NRCAM: variants seen among roughly 807,000 people sequenced by gnomAD.
NRCAM encodes neuronal cell adhesion molecule, also known as NgCAM-related cell adhesion molecule.
NRCAM carries 83 observed loss-of-function variants against 156.5 expected under a neutral mutation model. That is an observed-to-expected ratio of 0.53 (90% CI 0.44 to 0.64). The LOEUF (loss-of-function observed/expected upper bound fraction) is 0.64. Ranked by LOEUF, NRCAM falls within the 30% of genes least tolerant of loss-of-function variation. NRCAM has a pLI of 0.00. For synonymous variants in NRCAM, 538 were observed against 563.9 expected (o/e 0.95, Z 0.65); for missense variants, 1,417 against 1,597.3 (o/e 0.89, Z 1.92).
In NRCAM at chr7:108,160,463, T is replaced by G; in HGVS notation, c.3496A>C (p.Thr1166Pro). ...ATCAGACCAATGAACCAGCCCTGAGTTGCAATATCCACCTGCCGGCTTGCC... is the reference window on the plus strand; with the variant it reads ...ATCAGACCAATGAACCAGCCCTGAGGTGCAATATCCACCTGCCGGCTTGCC... ...AMASRQVDIA[T>P]QGWFIGLMCA... The change falls in exon 31 of 33, where the codon ACT becomes CCT. Residue 1166 changes from threonine to proline, a missense_variant. Physicochemically the swap from Thr to Pro is conservative, Grantham distance 38. Transcript: ENST00000379028. 1 of 1,613,520 alleles carries G rather than the reference T, an allele frequency of 6.2e-7. No homozygotes were observed. The highest frequency in any genetic ancestry group is 1.1e-5 in the South Asian group (1 of 90,964).
At position 108,288,717 on chromosome 7, in the gene NRCAM, G is replaced by A. The variant is rs570118116; in HGVS notation, c.-107+23948C>T. On this transcript the variant is annotated intron_variant, in intron 3 of 32. Coordinates refer to ENST00000379028, the MANE Select transcript of NRCAM (RefSeq NM_001037132.4). The stretch of plus-strand genomic sequence containing the variant: ...TAGAATATATTAACAATTAGCAGGC[G>A]GGAGAGTTCTCCATTAGTCTTTCCA... Among the ~76,000 whole-genome samples the A allele has an allele frequency of 1.6e-4, 25 of 152,130 alleles. No individual in the cohort carries two copies. The Middle Eastern group carries it at 0.017, about 103-fold the overall frequency.
intron 5 of NRCAM, among the ~76,000 whole-genome samples, chr7:108,237,429 C>T (rs2095163721): frequency 6.6e-6 from 1 of 152,166 alleles, no homozygotes; most frequent in Non-Finnish European, 1.5e-5. Context: ...ATTAATTAGC[C>T]TTTACAACAG....
At chr7:108,371,563 G>C (rs2099628781) in intron 2 of NRCAM, among the ~76,000 whole-genome samples, 2 of 151,942 alleles carry the variant, frequency 1.3e-5, no homozygotes, top group Non-Finnish European at 2.9e-5. Flanking sequence ...CAAAAGTTTG[G>C]GATAAAAAAA....
intron 2 of NRCAM, among the ~76,000 whole-genome samples, chr7:108,388,754 AT>A (rs1157175979): frequency 6.6e-6 from 1 of 152,114 alleles, no homozygotes; most frequent in Non-Finnish European, 1.5e-5. Context: ...TAAGGAAGGG[AT>A]TCAGTTTCAG....
chr7:108,215,852 T>C (rs567245437), intron 11 of NRCAM, among the ~76,000 whole-genome samples: 1 of 152,136 alleles, frequency 6.6e-6, no homozygotes, highest in African/African-American at 2.4e-5. Context: ...TGATGGGTCT[T>C]GATTCGTTAT....
chr7:108,386,147 G>A (rs966843207), intron 2 of NRCAM, among the ~76,000 whole-genome samples: 3 of 151,550 alleles, frequency 2.0e-5, no homozygotes, highest in Non-Finnish European at 4.4e-5. Flanking sequence ...TATGAAGGAA[G>A]GATAGATCAT....
At chr7:108,347,935 C>T (rs1351375616) in intron 2 of NRCAM, among the ~76,000 whole-genome samples, 1 of 152,178 alleles carries the variant, frequency 6.6e-6, no homozygotes, top group African/African-American at 2.4e-5. Context: ...TCTCCACCCC[C>T]ATACTCTGTG....
intron 3 of NRCAM, among the ~76,000 whole-genome samples, chr7:108,265,840 T>A (rs1019321421): frequency 6.6e-6 from 1 of 152,234 alleles, no homozygotes; most frequent in African/African-American, 2.4e-5. Context: ...TCTCTTTTAA[T>A]CATGCCCTTC....
chr7:108,302,157 T>C (rs2098635577), intron 3 of NRCAM, among the ~76,000 whole-genome samples: 1 of 152,052 alleles, frequency 6.6e-6, no homozygotes, highest in East Asian at 1.9e-4. Context: ...TATTGTTCCG[T>C]GTTATTGCTT....
chr7:108,233,611 A>G (rs946106875), intron 6 of NRCAM, among the ~76,000 whole-genome samples: 4 of 152,206 alleles, frequency 2.6e-5, no homozygotes, highest in African/African-American at 7.2e-5. Context: ...GAGGCTTTCC[A>G]TTAACATAGC....
chr7:108,238,803 TAAGAA>T (rs1240900476), intron 4 of NRCAM, among the ~76,000 whole-genome samples: 1 of 152,084 alleles, frequency 6.6e-6, no homozygotes, highest in Admixed American at 6.6e-5. Flanking sequence ...TTTTTTTAAA[TAAGAA>T]AAGCACTGCA....
At chr7:108,281,719 G>A (rs1247394004) in intron 3 of NRCAM, among the ~76,000 whole-genome samples, 2 of 152,224 alleles carry the variant, frequency 1.3e-5, no homozygotes, top group East Asian at 1.9e-4. Context: ...ATCAGCATGA[G>A]ATGGCTGCCA....
chr7:108,376,876 G>C (rs1447125789), intron 2 of NRCAM, among the ~76,000 whole-genome samples: 1 of 152,134 alleles, frequency 6.6e-6, no homozygotes, highest in Admixed American at 6.6e-5. Context: ...AACTTTGAGA[G>C]AGAGTGGGCC....
chr7:108,342,845 T>C (rs912785781), intron 2 of NRCAM, among the ~76,000 whole-genome samples: 2 of 152,226 alleles, frequency 1.3e-5, no homozygotes, highest in African/African-American at 4.8e-5. Context: ...GTGAATGGCA[T>C]ACTCACTGCT....
intron 3 of NRCAM, among the ~76,000 whole-genome samples, chr7:108,286,615 T>G (rs1481754004): frequency 6.7e-6 from 1 of 148,866 alleles, no homozygotes; most frequent in Non-Finnish European, 1.5e-5. Context: ...TTACTTTATT[T>G]AATCCTCCCA....
At chr7:108,199,504 C>T (rs422011) in intron 13 of NRCAM, among the ~76,000 whole-genome samples, 62,546 of 152,122 alleles carry the variant, frequency 0.41, 14,578 homozygotes, top group East Asian at 0.81. Flanking sequence ...AGAGCTGCGT[C>T]GCTTTCTGAA....
At chr7:108,381,178 T>TG (rs1191528312) in intron 2 of NRCAM, among the ~76,000 whole-genome samples, 9 of 152,338 alleles carry the variant, frequency 5.9e-5, no homozygotes, top group Non-Finnish European at 1.3e-4. Flanking sequence ...GTCATTGTAA[T>TG]GAAAAATAAC....
chr7:108,151,231 A>C (rs10237819), intron 32 of NRCAM, among the ~76,000 whole-genome samples: 6,107 of 150,484 alleles, frequency 0.041, 402 homozygotes, highest in African/African-American at 0.14. Context: ...AAATAGAAAA[A>C]GGCAATGACA....
chr7:108,426,651 T>C (rs1191219100), intron 1 of NRCAM, among the ~76,000 whole-genome samples: 1 of 152,212 alleles, frequency 6.6e-6, no homozygotes, highest in Admixed American at 6.5e-5. Context: ...CCACCTGTCA[T>C]TTGGCCTGAA....
Sources: allele counts gnomAD v4.1 joint callset (sites outside exome capture counted in the v4.1 genomes callset), GRCh38; gene constraint gnomAD v4.1.1; transcripts MANE v1.5; gene names NCBI Gene and HGNC (gene_info 2026-07-23, HGNC 2026-07-21).